CERT1: variants seen among roughly 807,000 people sequenced by gnomAD.
CERT1 encodes the protein ceramide transfer protein.
Under a neutral mutation model 87.9 loss-of-function variants are expected in CERT1, and 31 were observed. The ratio of observed to expected loss-of-function variants is 0.35; its 90% confidence interval spans 0.27 to 0.48. The LOEUF (loss-of-function observed/expected upper bound fraction) is 0.48. Ranked by LOEUF, CERT1 falls within the 20% of genes least tolerant of loss-of-function variation. CERT1 has a pLI of 0.99. For missense variants in CERT1, 487 were observed against 758.0 expected (o/e 0.64, Z 4.20); for synonymous variants, 289 against 250.9 (o/e 1.15, Z -1.44).
intron 8 of CERT1, among the ~76,000 whole-genome samples, chr5:75,410,336 G>A (rs919202550): frequency 3.9e-5 from 6 of 151,968 alleles, no homozygotes; most frequent in African/African-American, 9.7e-5. Context: ...TAGGCCGGGC[G>A]GGGTGGCTCA....
chr5:75,511,313 T>C lies in CERT1; in HGVS notation c.-106A>G, dbSNP rs761720711. The C allele has an allele frequency of 9.0e-6, 14 of 1,550,312 alleles. No homozygotes were observed. In the East Asian group the frequency reaches 3.4e-4, roughly 38 times the overall value. On this transcript the variant is annotated 5_prime_UTR_variant, in exon 1 of 17. Transcript: ENST00000643780. ...GGTCGGGGGATGGCGAAGCGAAGAGTGCCCGCTCCGGTGTGGGGGGGAGCA... is the reference window on the plus strand; with the variant it reads ...GGTCGGGGGATGGCGAAGCGAAGAGCGCCCGCTCCGGTGTGGGGGGGAGCA...
chr5:75,510,346 A>G (rs554568213), intron 1 of CERT1, among the ~76,000 whole-genome samples: 1 of 152,344 alleles, frequency 6.6e-6, no homozygotes, highest in South Asian at 2.1e-4. Flanking sequence ...CTGCAGTCCT[A>G]TAATGACTGC....
chr5:75,400,374 G>A, intron 9 of CERT1, 77 bp from the exon 10 acceptor site: 1 of 986,372 alleles, frequency 1.0e-6, no homozygotes, highest in Non-Finnish European at 1.6e-6. Flanking sequence ...ATATAACCTG[G>A]AACTACCAAC....
intron 2 of CERT1, among the ~76,000 whole-genome samples, chr5:75,468,131 C>A (rs147682104): frequency 6.6e-6 from 1 of 152,120 alleles, no homozygotes; most frequent in African/African-American, 2.4e-5. Context: ...TATAAGAAGG[C>A]AGAGCCAGAT....
At chr5:75,479,931 C>G (rs1301974793) in intron 2 of CERT1, among the ~76,000 whole-genome samples, 2 of 152,198 alleles carry the variant, frequency 1.3e-5, no homozygotes, top group Non-Finnish European at 1.5e-5. Context: ...GTTACCTTTT[C>G]TCTGCAACCT....
At chr5:75,491,481 T>A (rs1018353088) in intron 2 of CERT1, among the ~76,000 whole-genome samples, 4 of 152,158 alleles carry the variant, frequency 2.6e-5, no homozygotes, top group Admixed American at 1.3e-4. Context: ...CCTGCTCTGA[T>A]CTGTCTGGTT....
chr5:75,378,604 A>C lies in CERT1; in HGVS notation c.*742T>G, dbSNP rs1320712619. 6.6e-6 allele frequency: 1 copy of C among 152,200 alleles called. No homozygotes were observed. The highest frequency in any genetic ancestry group is 1.5e-5 in the Non-Finnish European group (1 of 68,030). 9.4% of individuals were successfully genotyped at this position (152,200 alleles called of 1,614,324 possible). A position where few individuals can be genotyped will look rare whatever the true frequency, so the allele number is the denominator to read the frequency against. On this transcript the variant is annotated 3_prime_UTR_variant, in exon 17 of 17. Coordinates refer to ENST00000643780, the MANE Select transcript of CERT1 (RefSeq NM_001379029.1). ...TGTTTTACACATCTCATGTCTTATAAAGAAAGATAGTCAAGATACATTGTT... is the reference window on the plus strand; with the variant it reads ...TGTTTTACACATCTCATGTCTTATACAGAAAGATAGTCAAGATACATTGTT...
intron 15 of CERT1, among the ~76,000 whole-genome samples, chr5:75,381,406 G>A (rs1311268828): frequency 6.6e-6 from 1 of 151,944 alleles, no homozygotes; most frequent in Non-Finnish European, 1.5e-5. Context: ...CCACTCTGGA[G>A]TGCAGTGGTG....
intron 8 of CERT1, among the ~76,000 whole-genome samples, chr5:75,403,453 A>G (rs748241544): frequency 2.0e-5 from 3 of 152,240 alleles, no homozygotes; most frequent in African/African-American, 7.2e-5. Flanking sequence ...ACTTGAAATT[A>G]AAAGTTTGGT....
chr5:75,413,222 G>A (rs1023628750), intron 7 of CERT1, among the ~76,000 whole-genome samples: 3 of 152,078 alleles, frequency 2.0e-5, no homozygotes, highest in African/African-American at 7.2e-5. Flanking sequence ...ATCATGTTAT[G>A]GGACCACAGT....
At chr5:75,467,076 T>C (rs985714812) in intron 2 of CERT1, among the ~76,000 whole-genome samples, 1 of 152,216 alleles carries the variant, frequency 6.6e-6, no homozygotes, top group African/African-American at 2.4e-5. Context: ...CAAATGTCCT[T>C]CAATTGGTGA....
intron 2 of CERT1, among the ~76,000 whole-genome samples, chr5:75,467,510 G>A (rs1007297604): frequency 1.3e-5 from 2 of 151,934 alleles, no homozygotes; most frequent in African/African-American, 4.8e-5. Flanking sequence ...GCATGGTGGT[G>A]CATGCCTGTA....
intron 2 of CERT1, among the ~76,000 whole-genome samples, chr5:75,464,979 A>T (rs978591336): frequency 2.6e-5 from 4 of 152,148 alleles, no homozygotes; most frequent in Non-Finnish European, 4.4e-5. Flanking sequence ...CTACAGCTAA[A>T]ATGATGGCAG....
chr5:75,436,965 T>G (rs529023493), intron 3 of CERT1, among the ~76,000 whole-genome samples: 15 of 152,264 alleles, frequency 9.9e-5, no homozygotes, highest in African/African-American at 3.6e-4. Flanking sequence ...TTTTTTACTT[T>G]TTTAAAGACG....
chr5:75,511,659 C>T (rs1202609673), upstream of CERT1: 2 of 1,515,914 alleles, frequency 1.3e-6, no homozygotes, highest in Middle Eastern at 2.4e-4. Context: ...TTTCCCCTCC[C>T]CTTCGTCCTC....
rs1286113743 is a variant in CERT1, at chr5:75,511,157, C to T, written c.51G>A (p.Glu17=). Residue 17 remains glutamate, a synonymous_variant, in exon 1 of 17, where the codon GAG becomes GAA. Transcript: ENST00000643780. Reference sequence around the variant, plus strand: ...GCTCCACAGGCGGCCCAGACTCCGTCTCTGGATCCTCCTCCGAGCCCGACG... The same window carrying T: ...GCTCCACAGGCGGCCCAGACTCCGTTTCTGGATCCTCCTCCGAGCCCGACG... ...WNSSGSEEDP[E]TESGPPVERC... is the part of the protein sequence containing the mutation. The T allele has an allele frequency of 5.0e-6, 8 of 1,611,036 alleles. No homozygotes were observed. Among genetic ancestry groups the T allele is most frequent in the Non-Finnish European group, 6.8e-6 (8 of 1,178,864 alleles).
At chr5:75,447,681 C>G (rs923125892) in intron 3 of CERT1, among the ~76,000 whole-genome samples, 2 of 151,450 alleles carry the variant, frequency 1.3e-5, no homozygotes, top group African/African-American at 4.9e-5. Context: ...TCACCATGTT[C>G]GCCAGGATGG....
At chr5:75,396,600 G>A (rs1762263483) in intron 11 of CERT1, among the ~76,000 whole-genome samples, 1 of 151,790 alleles carries the variant, frequency 6.6e-6, no homozygotes, top group Non-Finnish European at 1.5e-5. Flanking sequence ...GTGGTGGCAG[G>A]TGCCTGTAAT....
chr5:75,377,172 G>A (rs1449903350), downstream of CERT1: 1 of 152,144 alleles, frequency 6.6e-6, no homozygotes, highest in Non-Finnish European at 1.5e-5. Flanking sequence ...ATAAGAAGAG[G>A]AATACAATTA....
Sources: gnomAD v4.1 joint callset for allele counts (sites outside exome capture counted in the v4.1 genomes callset) on GRCh38, gnomAD v4.1.1 for gene constraint, MANE v1.5 for transcripts, NCBI Gene and HGNC (gene_info 2026-07-23, HGNC 2026-07-21) for gene names.